TMPRSS11F: variants seen among roughly 807,000 people sequenced by gnomAD.
TMPRSS11F encodes the protein transmembrane serine protease 11F.
In TMPRSS11F, 47 loss-of-function variants were observed where a neutral mutation model predicts 60.2. The observed-to-expected ratio is 0.78, with a 90% CI of 0.62 to 1.00. TMPRSS11F has a LOEUF of 1.00. TMPRSS11F is among the 50% of genes least tolerant of loss of function. The pLI is 0.00. For synonymous variants in TMPRSS11F, 166 were observed against 167.3 expected, an observed-to-expected ratio of 0.99 and a Z score of 0.06; for missense variants, 519 against 522.9, an observed-to-expected ratio of 0.99 and a Z score of 0.07.
At chr4:68,073,706 C>T (rs1723526445) in intron 4 of TMPRSS11F, among the ~76,000 whole-genome samples, 1 of 152,138 alleles carries the variant, frequency 6.6e-6, no homozygotes, top group African/African-American at 2.4e-5. Flanking sequence ...GTGTCATTCC[C>T]CTGTTTCTTG....
Position 68,080,822 on chromosome 4 carries a change from A to T in TMPRSS11F, c.283-6813T>A, listed in dbSNP as rs1167209202. 3 of 152,354 alleles carry T rather than the reference A, an allele frequency of 2.0e-5. No homozygotes were observed. The East Asian group carries it at 5.8e-4, about 29-fold the overall frequency. 9.4% of individuals were successfully genotyped at this position (152,354 alleles called of 1,614,324 possible). On this transcript the variant is annotated intron_variant, in intron 3 of 9. Transcript: ENST00000356291. The stretch of plus-strand genomic sequence containing the variant: ...TTTGGAATATAACCTATACAAAAAT[A>T]AATTAATTGGTACTAGATAATGCTC...
At chr4:68,098,819 C>A in intron 2 of TMPRSS11F, 68 bp downstream of exon 2, 2 of 1,407,692 alleles carry the variant, frequency 1.4e-6, no homozygotes, top group South Asian at 1.4e-5. Context: ...ACTTTTTATA[C>A]AACAGAAAAT....
chr4:68,101,347 T>C (rs1215487145), intron 1 of TMPRSS11F, among the ~76,000 whole-genome samples: 1 of 152,102 alleles, frequency 6.6e-6, no homozygotes, highest in Non-Finnish European at 1.5e-5. Flanking sequence ...AGGTTTACCC[T>C]AATTGTGGAA....
intron 7 of TMPRSS11F, among the ~76,000 whole-genome samples, chr4:68,066,014 G>A (rs1315822041): frequency 6.6e-6 from 1 of 151,660 alleles, no homozygotes; most frequent in Non-Finnish European, 1.5e-5. Flanking sequence ...TACTCAGGAA[G>A]CTGAGGCAGG....
intron 3 of TMPRSS11F, among the ~76,000 whole-genome samples, chr4:68,076,001 GA>G (rs796383675): frequency 0.054 from 6,540 of 121,884 alleles, 399 homozygotes; most frequent in African/African-American, 0.16. Flanking sequence ...TCCAAAAAAA[GA>G]AAAAAAAAAA....
At chr4:68,110,848 C>A (rs937522287) in intron 1 of TMPRSS11F, among the ~76,000 whole-genome samples, 2 of 152,094 alleles carry the variant, frequency 1.3e-5, no homozygotes. Context: ...TTTGTTCTCA[C>A]TTTAGTGAAA....
intron 1 of TMPRSS11F, among the ~76,000 whole-genome samples, chr4:68,125,302 C>G (rs1453889687): frequency 1.3e-5 from 2 of 151,818 alleles, no homozygotes; most frequent in African/African-American, 2.4e-5. Context: ...CTTCAAAATA[C>G]TCTACATTCA....
intron 9 of TMPRSS11F, among the ~76,000 whole-genome samples, chr4:68,056,882 A>G (rs1201244179): frequency 3.3e-5 from 5 of 152,228 alleles, no homozygotes; most frequent in African/African-American, 1.2e-4. Flanking sequence ...AAAAAAACAC[A>G]TATATTTATG....
intron 5 of TMPRSS11F, among the ~76,000 whole-genome samples, chr4:68,070,309 G>A (rs557662698): frequency 1.4e-4 from 18 of 130,784 alleles, no homozygotes; most frequent in African/African-American, 3.9e-4. Flanking sequence ...AAATGTCCCT[G>A]ACTGCTTTCT....
At chr4:68,064,305 C>A (rs1430420866) in intron 8 of TMPRSS11F, among the ~76,000 whole-genome samples, 1 of 151,982 alleles carries the variant, frequency 6.6e-6, no homozygotes, top group South Asian at 2.1e-4. Flanking sequence ...CTGCCTCAAC[C>A]TCCCAAGTAA....
At chr4:68,071,702 T>A (rs1188948431) in intron 5 of TMPRSS11F, among the ~76,000 whole-genome samples, 1 of 152,178 alleles carries the variant, frequency 6.6e-6, no homozygotes, top group Non-Finnish European at 1.5e-5. Context: ...CTTTTTGAAC[T>A]TCCTTTTCTT....
At chr4:68,116,009 G>T (rs903887970) in intron 1 of TMPRSS11F, among the ~76,000 whole-genome samples, 2 of 151,500 alleles carry the variant, frequency 1.3e-5, no homozygotes, top group Non-Finnish European at 2.9e-5. Context: ...GCTTTTTATT[G>T]TTTTTCAAAA....
intron 1 of TMPRSS11F, among the ~76,000 whole-genome samples, chr4:68,124,551 T>C (rs1037012529): frequency 1.3e-5 from 2 of 152,232 alleles, no homozygotes; most frequent in African/African-American, 4.8e-5. Context: ...TAGTTTTTAT[T>C]GATTCATTGA....
At chr4:68,103,290 T>TA (rs1170790347) in intron 1 of TMPRSS11F, among the ~76,000 whole-genome samples, 1 of 151,762 alleles carries the variant, frequency 6.6e-6, no homozygotes, top group Non-Finnish European at 1.5e-5. Context: ...AAAAAATACT[T>TA]AAAAAAATAG....
At chr4:68,073,847 C>T (rs1723529635) in intron 4 of TMPRSS11F, 95 bp downstream of exon 4, 2 of 694,120 alleles carry the variant, frequency 2.9e-6, no homozygotes, top group Admixed American at 3.5e-5. Flanking sequence ...CTCTGTGTTG[C>T]TGTAAAGACT....
chr4:68,095,765 G>A (rs748992402), intron 2 of TMPRSS11F, among the ~76,000 whole-genome samples: 7 of 151,926 alleles, frequency 4.6e-5, no homozygotes, highest in South Asian at 2.1e-4. Flanking sequence ...GCATGGTGGC[G>A]GGTGCCTGTA....
chr4:68,125,295 C>T (rs1411745442), intron 1 of TMPRSS11F, among the ~76,000 whole-genome samples: 2 of 151,678 alleles, frequency 1.3e-5, no homozygotes, highest in Admixed American at 1.3e-4. Context: ...TTGAATTCTT[C>T]AAAATACTCT....
At chr4:68,062,881 T>A in intron 8 of TMPRSS11F, 1 of 787,254 alleles carries the variant, frequency 1.3e-6, no homozygotes, top group East Asian at 2.6e-5. Flanking sequence ...CCCAATTTTT[T>A]AAGTGGCTGC....
chr4:68,129,775 C>G, intron 1 of TMPRSS11F, 35 bp downstream of exon 1: 1 of 1,609,444 alleles, frequency 6.2e-7, no homozygotes. Flanking sequence ...TCTGTCCCCA[C>G]TGATAACCTT....
Sources: gnomAD v4.1 joint callset for allele counts (sites outside exome capture counted in the v4.1 genomes callset) on GRCh38, gnomAD v4.1.1 for gene constraint, MANE v1.5 for transcripts, NCBI Gene and HGNC (gene_info 2026-07-23, HGNC 2026-07-21) for gene names.